Variants in SLC24A3 observed in about 807,000 individuals in gnomAD.
SLC24A3 encodes the protein sodium/potassium/calcium exchanger 3.
A neutral mutation model predicts 75.8 loss-of-function variants in SLC24A3; 28 were observed. The ratio of observed to expected loss-of-function variants is 0.37; its 90% confidence interval spans 0.27 to 0.51. SLC24A3 has a LOEUF of 0.51. SLC24A3 is among the 20% of genes least tolerant of loss of function. The pLI is 0.94. For synonymous variants in SLC24A3, 372 were observed against 334.1 expected (o/e 1.11, Z -1.24); for missense variants, 663 against 847.8 (o/e 0.78, Z 2.71).
At chr20:19,516,556 G>A (rs910158609) in intron 3 of SLC24A3, among the ~76,000 whole-genome samples, 4 of 152,240 alleles carry the variant, frequency 2.6e-5, no homozygotes, top group African/African-American at 9.6e-5. Context: ...TCCGATGGCT[G>A]TGGCTAGACC....
intron 4 of SLC24A3, among the ~76,000 whole-genome samples, chr20:19,580,504 T>C (rs183995058): frequency 9.4e-4 from 143 of 152,214 alleles, no homozygotes; most frequent in African/African-American, 3.3e-3. Flanking sequence ...CGCATACCTC[T>C]GCCATGCTTC....
At chr20:19,546,207 C>A (rs1045554134) in intron 3 of SLC24A3, among the ~76,000 whole-genome samples, 2 of 141,082 alleles carry the variant, frequency 1.4e-5, no homozygotes, top group Non-Finnish European at 3.1e-5. Context: ...TCGACCTGAG[C>A]CTTCTTAGTG....
At chr20:19,420,278 G>T (rs1287448393) in intron 2 of SLC24A3, among the ~76,000 whole-genome samples, 1 of 50,526 alleles carries the variant, frequency 2.0e-5, no homozygotes, top group African/African-American at 1.0e-4. Flanking sequence ...GAATAGTGCC[G>T]CAATAAACAT....
At chr20:19,439,494 G>T (rs763653946) in intron 2 of SLC24A3, among the ~76,000 whole-genome samples, 1 of 152,212 alleles carries the variant, frequency 6.6e-6, no homozygotes, top group East Asian at 1.9e-4. Context: ...AAGTATATTT[G>T]TGAAACACTT....
intron 2 of SLC24A3, among the ~76,000 whole-genome samples, chr20:19,353,243 A>G (rs1985610681): frequency 6.6e-6 from 1 of 152,236 alleles, no homozygotes; most frequent in South Asian, 2.1e-4. Flanking sequence ...TTGTAAATTT[A>G]GAAGTCAAAA....
chr20:19,659,196 G>T (rs2032298907), intron 7 of SLC24A3, among the ~76,000 whole-genome samples: 1 of 152,196 alleles, frequency 6.6e-6, no homozygotes, highest in Non-Finnish European at 1.5e-5. Flanking sequence ...GATGGGTCAG[G>T]TGAGCCCTTG....
In SLC24A3 at chr20:19,352,459, G is replaced by C. The variant is rs192162124; in HGVS notation, c.271+71372G>C. ...CTAACATTATTAACGGCTGCTGTGA[G>C]TAGGTGCAGTGTGGAGAGCTTCTAC... On this transcript the variant is annotated intron_variant, in intron 2 of 16. Transcript: ENST00000328041. Among the ~76,000 whole-genome samples, 113 of 152,292 alleles carry C rather than the reference G, an allele frequency of 7.4e-4. 1 individual carries two copies. Among genetic ancestry groups the C allele is most frequent in the African/African-American group, 2.2e-3 (90 of 41,542 alleles).
chr20:19,382,849 C>T (rs1252115389), intron 2 of SLC24A3, among the ~76,000 whole-genome samples: 2 of 152,122 alleles, frequency 1.3e-5, no homozygotes, highest in Non-Finnish European at 2.9e-5. Context: ...CTGCAGTGTG[C>T]TCCGATATAT....
intron 6 of SLC24A3, among the ~76,000 whole-genome samples, chr20:19,645,280 A>G (rs1215078779): frequency 6.6e-6 from 1 of 152,236 alleles, no homozygotes; most frequent in Non-Finnish European, 1.5e-5. Flanking sequence ...AGGGGCGCAT[A>G]GCACAGAAAA....
At chr20:19,679,570 ACGGAGACGGAGACCGTG>A (rs1159357621) in intron 9 of SLC24A3, among the ~76,000 whole-genome samples, 19 of 146,472 alleles carry the variant, frequency 1.3e-4, no homozygotes, top group Admixed American at 4.0e-4. Flanking sequence ...GGAGAGGGAG[ACGGAGACGGAGACCGTG>A]GGGAGAGGGA....
chr20:19,285,362 C>T (rs542707133), intron 2 of SLC24A3, among the ~76,000 whole-genome samples: 1 of 150,408 alleles, frequency 6.6e-6, no homozygotes, highest in South Asian at 2.1e-4. Flanking sequence ...TCTGTGGTCC[C>T]AGCTACTTGG....
chr20:19,693,180 G>A lies in SLC24A3; in HGVS notation c.1325-79G>A, dbSNP rs570700098. 100 of 1,444,722 alleles carry A rather than the reference G, an allele frequency of 6.9e-5. 1 individual carries two copies. The South Asian group carries it at 1.3e-3, about 19-fold the overall frequency. 89.5% of individuals were successfully genotyped at this position (1,444,722 alleles called of 1,614,324 possible). On this transcript the variant is annotated intron_variant, in intron 12 of 16. Coordinates refer to ENST00000328041, the MANE Select transcript of SLC24A3 (RefSeq NM_020689.4). ...CTGGGGAAAGCAGTACAGACACTTG[G>A]CAGAGCAAAGAAATAAAGCTAACTG...
Position 19,315,376 on chromosome 20 carries a change from G to C in SLC24A3, c.271+34289G>C, listed in dbSNP as rs186419498. 1.7e-3 allele frequency among the ~76,000 whole-genome samples: 266 copies of C among 152,304 alleles called. 3 individuals carry two copies. The highest frequency in any genetic ancestry group is 5.8e-3 in the African/African-American group (240 of 41,574). ...GCTGGGGTGCCAGAGACCCCATTCA[G>C]GTGCAAAGAAGCAAGTGTATGGTTG... is the stretch of plus-strand genomic sequence containing the variant. On this transcript the variant is annotated intron_variant, in intron 2 of 16. Transcript: ENST00000328041.
intron 15 of SLC24A3, among the ~76,000 whole-genome samples, chr20:19,709,304 G>C (rs546818255): frequency 2.4e-4 from 37 of 152,260 alleles, no homozygotes; most frequent in African/African-American, 8.7e-4. Flanking sequence ...TGGCTGTTGG[G>C]AGGCAGCTGG....
At chr20:19,642,430 A>G (rs902894456) in intron 6 of SLC24A3, among the ~76,000 whole-genome samples, 1 of 152,234 alleles carries the variant, frequency 6.6e-6, no homozygotes, top group African/African-American at 2.4e-5. Context: ...GAGGAAGTGC[A>G]TAGGCAGCAC....
At chr20:19,529,031 A>G (rs1022529342) in intron 3 of SLC24A3, among the ~76,000 whole-genome samples, 11 of 152,162 alleles carry the variant, frequency 7.2e-5, no homozygotes, top group Non-Finnish European at 1.5e-4. Context: ...TGTACACATT[A>G]CACACACACA....
At chr20:19,680,706 C>T (rs549881311) in intron 9 of SLC24A3, among the ~76,000 whole-genome samples, 50 of 152,304 alleles carry the variant, frequency 3.3e-4, no homozygotes, top group African/African-American at 1.2e-3. Context: ...TGAGACGGTC[C>T]AGCCACAGAG....
chr20:19,460,999 C>T (rs1987660763), intron 2 of SLC24A3, among the ~76,000 whole-genome samples: 1 of 152,126 alleles, frequency 6.6e-6, no homozygotes, highest in Non-Finnish European at 1.5e-5. Flanking sequence ...TAAAGCTAAG[C>T]AGTTTTATTA....
rs2032852504 is a variant in SLC24A3 at position 19,699,966 on chromosome 20, C to A, written c.1719+1286C>A. On this transcript the variant is annotated intron_variant, in intron 15 of 16. Transcript: ENST00000328041. ...ATCGTGACAAATTGGTACAGCATGG[C>A]CTATCGCTTCTGGGGTACAAACCAA... 2.6e-5 allele frequency among the ~76,000 whole-genome samples: 4 copies of A among 152,110 alleles called. No homozygotes were observed. In the South Asian group the frequency reaches 8.3e-4, roughly 31 times the overall value.
Sources: gnomAD v4.1 joint callset for allele counts (sites outside exome capture counted in the v4.1 genomes callset) on GRCh38, gnomAD v4.1.1 for gene constraint, MANE v1.5 for transcripts, NCBI Gene and HGNC (gene_info 2026-07-23, HGNC 2026-07-21) for gene names.